DNAJB6: variants seen among roughly 807,000 people sequenced by gnomAD.
DNAJB6 encodes DnaJ heat shock protein family (Hsp40) member B6.
A neutral mutation model predicts 42.7 loss-of-function variants in DNAJB6; 16 were observed. The observed-to-expected ratio is 0.37, with a 90% CI of 0.25 to 0.57. The LOEUF is 0.57. Ranked by LOEUF, DNAJB6 falls within the 20% of genes least tolerant of loss-of-function variation. The pLI is 0.74. For synonymous variants in DNAJB6, 170 were observed against 163.5 expected (o/e 1.04, Z -0.30); for missense variants, 347 against 416.8 (o/e 0.83, Z 1.46).
In DNAJB6 at chr7:157,367,454, G is replaced by T; in HGVS notation, c.317G>T (p.Gly106Val). ...GATGTCTTCAGGGAATTTTTTGGTG[G>T]AAGGGACCCATTTTCATTTGACTTC... The part of the protein sequence containing the change: ...PDDVFREFFG[G>V]RDPFSFDFFE... The change falls in exon 5 of 10, where the codon GGA (glycine) becomes GTA (valine). Residue 106 changes from glycine (G) to valine (V), a missense_variant. Gly to Val is a moderately radical substitution (Grantham distance 109). Coordinates refer to ENST00000262177, the MANE Select transcript of DNAJB6 (RefSeq NM_058246.4). 6.2e-7 allele frequency: 1 copy of T among 1,611,498 alleles called. No individual in the cohort carries two copies. Among genetic ancestry groups the T allele is most frequent in the Non-Finnish European group, 8.5e-7 (1 of 1,177,628 alleles).
At position 157,416,439 on chromosome 7, in the gene DNAJB6, C is replaced by A. The variant is rs144227992; in HGVS notation, c.*341C>A. Reference sequence around the variant, plus strand: ...TGGAATATTTCTGGCTTTAGAAGTACAGGAGGGCGCAGATGGCTAACTGAG... The same window carrying A: ...TGGAATATTTCTGGCTTTAGAAGTAAAGGAGGGCGCAGATGGCTAACTGAG... On this transcript the variant is annotated 3_prime_UTR_variant, in exon 10 of 10. Coordinates refer to ENST00000262177, the MANE Select transcript of DNAJB6 (RefSeq NM_058246.4). 3.0e-5 allele frequency: 8 copies of A among 263,208 alleles called. No individual in the cohort carries two copies. Among genetic ancestry groups the A allele is most frequent in the Non-Finnish European group, 4.4e-5 (6 of 135,144 alleles). The allele number at this position is 263,208 out of a possible 1,614,324, so 16.3% of individuals were successfully genotyped here. A position where few individuals can be genotyped will look rare whatever the true frequency, so the allele number is the denominator to read the frequency against.
chr7:157,359,756 C>T (rs1209849430), intron 2 of DNAJB6, among the ~76,000 whole-genome samples: 1 of 152,188 alleles, frequency 6.6e-6, no homozygotes, highest in Non-Finnish European at 1.5e-5. Context: ...GAGGTTGAGG[C>T]TGCAGTGAGC....
At chr7:157,404,995 G>C (rs1234303513) in intron 8 of DNAJB6, among the ~76,000 whole-genome samples, 2 of 152,174 alleles carry the variant, frequency 1.3e-5, no homozygotes, top group Non-Finnish European at 2.9e-5. Context: ...ACATTGATGT[G>C]GTCTGGGCCC....
At chr7:157,408,099 C>T (rs190958338) in intron 8 of DNAJB6, among the ~76,000 whole-genome samples, 36 of 152,258 alleles carry the variant, frequency 2.4e-4, no homozygotes, top group African/African-American at 6.5e-4. Context: ...GAACTGGCCC[C>T]GGGCTAGGTG....
chr7:157,416,266 G>C lies in DNAJB6; in HGVS notation c.*168G>C, dbSNP rs1796105667. The C allele has an allele frequency of 9.4e-7, 1 of 1,060,780 alleles. No homozygotes were observed. Among genetic ancestry groups the C allele is most frequent in the African/African-American group, 1.6e-5 (1 of 62,824 alleles). The allele number at this position is 1,060,780 out of a possible 1,614,324, so 65.7% of individuals were successfully genotyped here. ...ATCAGTCAGAGCAGGGTCAGGAGAC[G>C]GGGCTGACGGCACGGGTGGCGGGGA... On this transcript the variant is annotated 3_prime_UTR_variant, in exon 10 of 10. Coordinates refer to ENST00000262177, the MANE Select transcript of DNAJB6 (RefSeq NM_058246.4).
rs1272742171 is a variant in DNAJB6 at position 157,385,086 on chromosome 7, G to T, written c.620+78G>T. ...CTGGTGCCATGTTGCACGTCTCCCA[G>T]AGTGTGAAGTAGAGGTTGTTGTATG... is the stretch of plus-strand genomic sequence containing the variant. On this transcript the variant is annotated intron_variant, in intron 7 of 9. Transcript: ENST00000262177. 33 of 1,472,422 alleles carry T rather than the reference G, an allele frequency of 2.2e-5. No homozygotes were observed. The East Asian group carries it at 7.6e-4, about 34-fold the overall frequency. 91.2% of individuals were successfully genotyped at this position (1,472,422 alleles called of 1,614,324 possible). A position where few individuals can be genotyped will look rare whatever the true frequency, so the allele number is the denominator to read the frequency against.
In DNAJB6 at chr7:157,344,527, G is replaced by A. The variant is rs377001133; in HGVS notation, c.-27+7383G>A. Among the ~76,000 whole-genome samples the A allele has an allele frequency of 5.3e-5, 8 of 151,548 alleles. No individual in the cohort carries two copies. The East Asian group carries it at 9.7e-4, about 18-fold the overall frequency. On this transcript the variant is annotated intron_variant, in intron 1 of 9. Coordinates refer to ENST00000262177, the MANE Select transcript of DNAJB6 (RefSeq NM_058246.4). ...GACTCAAACTCAAAAAAAAAAAAAA[G>A]TTAATTTTGTAGTTAGAGAATATCT...
In DNAJB6 at chr7:157,352,500, T is replaced by C. The variant is rs1234701506; in HGVS notation, c.-26-6047T>C. ...GAATGAGGTGGTATGAAGATGGGGG[T>C]GGGGGTGATTTGGAGGTCCTTTGAC... On this transcript the variant is annotated intron_variant, in intron 1 of 9. Transcript: ENST00000262177. 8.0e-5 allele frequency among the ~76,000 whole-genome samples: 12 copies of C among 150,680 alleles called. No individual in the cohort carries two copies. In the East Asian group the frequency reaches 2.3e-3, roughly 29 times the overall value.
At chr7:157,394,493 C>T (rs1413901540) in intron 8 of DNAJB6, among the ~76,000 whole-genome samples, 1 of 151,708 alleles carries the variant, frequency 6.6e-6, no homozygotes, top group African/African-American at 2.4e-5. Context: ...GACACCACTG[C>T]ACTCCAGTCT....
At chr7:157,412,237 G>A (rs1351126003) in intron 9 of DNAJB6, 1 of 152,158 alleles carries the variant, frequency 6.6e-6, no homozygotes, top group African/African-American at 2.4e-5. Flanking sequence ...GCAAAGCAGG[G>A]TGGTTTTGGT....
chr7:157,393,456 G>T (rs936366463), intron 8 of DNAJB6, among the ~76,000 whole-genome samples: 1 of 152,112 alleles, frequency 6.6e-6, no homozygotes, highest in African/African-American at 2.4e-5. Flanking sequence ...TAGTTACTGT[G>T]TTTATGTCCC....
intron 8 of DNAJB6, among the ~76,000 whole-genome samples, chr7:157,391,311 C>T (rs1016123029): frequency 9.9e-5 from 15 of 152,228 alleles, no homozygotes; most frequent in African/African-American, 3.4e-4. Flanking sequence ...AGCCAAGTAA[C>T]CTCTTACCCA....
At chr7:157,376,752 G>C (rs1025279583) in intron 5 of DNAJB6, among the ~76,000 whole-genome samples, 1 of 152,102 alleles carries the variant, frequency 6.6e-6, no homozygotes, top group Non-Finnish European at 1.5e-5. Flanking sequence ...GGGGTGGCAG[G>C]CACCTGTAAT....
intron 8 of DNAJB6, among the ~76,000 whole-genome samples, chr7:157,400,691 C>T (rs1455901626): frequency 3.9e-5 from 6 of 152,180 alleles, no homozygotes; most frequent in Admixed American, 6.5e-5. Flanking sequence ...GCTGTGGGTC[C>T]GGGATGAAGC....
intron 8 of DNAJB6, among the ~76,000 whole-genome samples, chr7:157,394,951 C>A (rs1397925845): frequency 6.6e-6 from 1 of 152,110 alleles, no homozygotes; most frequent in Non-Finnish European, 1.5e-5. Flanking sequence ...ATTAGCCTGG[C>A]TTGGGGGTGC....
chr7:157,416,232 C>A lies in DNAJB6; in HGVS notation c.*134C>A. 1 of 1,390,700 alleles carries A rather than the reference C, an allele frequency of 7.2e-7. No homozygotes were observed. Among genetic ancestry groups the A allele is most frequent in the Non-Finnish European group, 9.8e-7 (1 of 1,022,334 alleles). 86.1% of individuals were successfully genotyped at this position (1,390,700 alleles called of 1,614,324 possible). On this transcript the variant is annotated 3_prime_UTR_variant, in exon 10 of 10. Transcript: ENST00000262177. ...GCCACACTCGCTCGGCAGGATTATG[C>A]GATCACGGATCAGTCAGAGCAGGGT...
chr7:157,359,421 C>G (rs930782035), intron 2 of DNAJB6, among the ~76,000 whole-genome samples: 1 of 152,178 alleles, frequency 6.6e-6, no homozygotes, highest in African/African-American at 2.4e-5. Flanking sequence ...ATATGTTGCT[C>G]AGGCTGGTCT....
chr7:157,351,253 A>G (rs1798956415), intron 1 of DNAJB6, among the ~76,000 whole-genome samples: 1 of 152,058 alleles, frequency 6.6e-6, no homozygotes, highest in Non-Finnish European at 1.5e-5. Context: ...AGTCTTTGAA[A>G]AGAATGTTAA....
chr7:157,401,560 A>T (rs890108372), intron 8 of DNAJB6, among the ~76,000 whole-genome samples: 2 of 152,230 alleles, frequency 1.3e-5, no homozygotes, highest in South Asian at 2.1e-4. Context: ...AGACCTGTTC[A>T]TATGGTGGAT....
Sources: gnomAD v4.1 joint callset for allele counts (sites outside exome capture counted in the v4.1 genomes callset) on GRCh38, gnomAD v4.1.1 for gene constraint, MANE v1.5 for transcripts, NCBI Gene and HGNC (gene_info 2026-07-23, HGNC 2026-07-21) for gene names.